Variants in FAM163B observed in about 807,000 individuals in gnomAD.
FAM163B encodes the protein family with sequence similarity 163 member B, also known as protein FAM163B.
In FAM163B, 4 loss-of-function variants were observed where a neutral mutation model predicts 7.6. The observed-to-expected ratio is 0.52, with a 90% confidence interval of 0.26 to 1.20. FAM163B has a LOEUF of 1.20. Ranked by LOEUF, FAM163B falls within the 50% of genes most tolerant of loss-of-function variation. The pLI, the probability that FAM163B is intolerant of heterozygous loss-of-function variation, is 0.14. For synonymous variants in FAM163B, 120 were observed against 111.6 expected (o/e 1.07, Z -0.47); for missense variants, 250 against 243.0 (o/e 1.03, Z -0.19).
rs1047812478 is a variant in FAM163B at position 133,586,992 on chromosome 9, G to A, written c.-23-6746C>T. ...CAGAGCCCACTCCCTAGGCCATCGG[G>A]GAAGCAGGGGGTCTGACACATCTCT... On this transcript the variant is annotated intron_variant, in intron 1 of 2. Transcript: ENST00000673969. Among the ~76,000 whole-genome samples, 324 of 152,294 alleles carry A rather than the reference G, an allele frequency of 2.1e-3. 1 individual carries two copies. Among genetic ancestry groups the A allele is most frequent in the African/African-American group, 7.3e-3 (304 of 41,560 alleles).
chr9:133,603,840 T>G (rs1247772315), intron 1 of FAM163B, among the ~76,000 whole-genome samples: 1 of 152,190 alleles, frequency 6.6e-6, no homozygotes, highest in Non-Finnish European at 1.5e-5. Flanking sequence ...TTTCTTTTCT[T>G]TTCTTTTTTT....
At chr9:133,583,367 G>C (rs1831384018) in intron 1 of FAM163B, among the ~76,000 whole-genome samples, 1 of 152,156 alleles carries the variant, frequency 6.6e-6, no homozygotes, top group Non-Finnish European at 1.5e-5. Context: ...TCAGGGACAG[G>C]TACTGGGGAG....
In FAM163B at chr9:133,578,991, T is replaced by C; in HGVS notation, c.*31A>G. 1.4e-6 allele frequency: 2 copies of C among 1,470,550 alleles called. No homozygotes were observed. The highest frequency in any genetic ancestry group is 1.8e-6 in the Non-Finnish European group (2 of 1,111,404). 91.1% of individuals were successfully genotyped at this position (1,470,550 alleles called of 1,614,324 possible). A position where few individuals can be genotyped will look rare whatever the true frequency, so the allele number is the denominator to read the frequency against. ...GAATCCCCCCATTGTCTCAGGACCT[T>C]CAAGGCCAGGATCCCGGGGGCGGGC... On this transcript the variant is annotated 3_prime_UTR_variant, in exon 3 of 3. Coordinates refer to ENST00000673969, the MANE Select transcript of FAM163B (RefSeq NM_001080515.3).
chr9:133,581,186 C>T lies in FAM163B; in HGVS notation c.-23-940G>A, dbSNP rs1016791456. ...GTCCTGGGCTGTGCTGATAAACCAG[C>T]TCTCAAAGCACCCGGCTGGGAGCAT... On this transcript the variant is annotated intron_variant, in intron 1 of 2. Transcript: ENST00000673969. Among the ~76,000 whole-genome samples, 9 of 152,314 alleles carry T rather than the reference C, an allele frequency of 5.9e-5. No homozygotes were observed. In the South Asian group the frequency reaches 1.5e-3, roughly 25 times the overall value.
chr9:133,608,949 G>C (rs906083278), intron 1 of FAM163B, among the ~76,000 whole-genome samples, 128 bp downstream of exon 1: 1 of 152,240 alleles, frequency 6.6e-6, no homozygotes, highest in African/African-American at 2.4e-5. Flanking sequence ...GCTGGGTCAG[G>C]GGACCTGGTG....
rs1374218679 is a variant in FAM163B at position 133,600,722 on chromosome 9, C to T, written c.-24+8355G>A. On this transcript the variant is annotated intron_variant, in intron 1 of 2. Coordinates refer to ENST00000673969, the MANE Select transcript of FAM163B (RefSeq NM_001080515.3). The surrounding 1 kb of genome is among the most constrained non-coding windows in gnomAD (Gnocchi z 4.9). Reference sequence around the variant, plus strand: ...GAATCTTAAAGCCACATTTTAGAGTCTTAAAAATCAGAACATGCAACCAGT... The same window carrying T: ...GAATCTTAAAGCCACATTTTAGAGTTTTAAAAATCAGAACATGCAACCAGT... 1.6e-5 allele frequency among the ~76,000 whole-genome samples: 1 copy of T among 63,112 alleles called. No homozygotes were observed. Among genetic ancestry groups the T allele is most frequent in the East Asian group, 3.1e-4 (1 of 3,234 alleles). The allele number at this position is 63,112 out of a possible 152,430, so 41.4% of individuals were successfully genotyped here.
At chr9:133,586,680 G>T (rs1323233053) in intron 1 of FAM163B, among the ~76,000 whole-genome samples, 2 of 150,176 alleles carry the variant, frequency 1.3e-5, no homozygotes, top group African/African-American at 2.5e-5. Context: ...GTGCCCAGGG[G>T]TCTCTGTGCT....
chr9:133,590,864 C>T (rs1191064577), intron 1 of FAM163B, among the ~76,000 whole-genome samples: 1 of 152,232 alleles, frequency 6.6e-6, no homozygotes, highest in African/African-American at 2.4e-5. Flanking sequence ...TCGGTCAGGA[C>T]ATGGGACACA....
chr9:133,605,389 G>C (rs1190906573), intron 1 of FAM163B, among the ~76,000 whole-genome samples: 1 of 152,198 alleles, frequency 6.6e-6, no homozygotes, highest in Non-Finnish European at 1.5e-5. Context: ...CAGTAGCCAG[G>C]GAATGTGGTG....
At chr9:133,602,836 T>A (rs1831746584) in intron 1 of FAM163B, among the ~76,000 whole-genome samples, 1 of 152,216 alleles carries the variant, frequency 6.6e-6, no homozygotes, top group African/African-American at 2.4e-5. Context: ...TAGTAAAATA[T>A]TGGACGCTTT....
intron 1 of FAM163B, among the ~76,000 whole-genome samples, chr9:133,599,600 A>ATG (rs898274939): frequency 6.8e-6 from 1 of 146,840 alleles, no homozygotes; most frequent in Non-Finnish European, 1.5e-5. Context: ...GCATGTGTGA[A>ATG]TGTGTGTGTG....
chr9:133,595,845 T>G lies in FAM163B; in HGVS notation c.-24+13232A>C, dbSNP rs562015389. On this transcript the variant is annotated intron_variant, in intron 1 of 2. Coordinates refer to ENST00000673969, the MANE Select transcript of FAM163B (RefSeq NM_001080515.3). ...CTGTCTGTTTCTTCCCTCTGGAATTTGAGTTGCTGAGGACAGGGGCTCGGT... is the reference window on the plus strand; with the variant it reads ...CTGTCTGTTTCTTCCCTCTGGAATTGGAGTTGCTGAGGACAGGGGCTCGGT... Among the ~76,000 whole-genome samples, 117 of 152,326 alleles carry G rather than the reference T, an allele frequency of 7.7e-4. 1 individual carries two copies. The highest frequency in any genetic ancestry group is 2.7e-3 in the African/African-American group (114 of 41,566).
At chr9:133,584,405 C>T (rs1037524082) in intron 1 of FAM163B, among the ~76,000 whole-genome samples, 12 of 152,280 alleles carry the variant, frequency 7.9e-5, no homozygotes, top group South Asian at 2.1e-4. Context: ...AGGGTTTAGA[C>T]GCTGATTCCT....
intron 1 of FAM163B, among the ~76,000 whole-genome samples, chr9:133,595,392 T>C (rs1831615259): frequency 6.6e-6 from 1 of 152,152 alleles, no homozygotes; most frequent in Non-Finnish European, 1.5e-5. Flanking sequence ...GTGATGATCC[T>C]CCTGCCTCGG....
intron 1 of FAM163B, among the ~76,000 whole-genome samples, chr9:133,592,562 C>A (rs3025296): frequency 0.51 from 78,133 of 151,992 alleles, 20,870 homozygotes; most frequent in South Asian, 0.7. Flanking sequence ...GGGGAGGCTG[C>A]GCCAGTGAAC....
At chr9:133,580,078 G>A in intron 2 of FAM163B, 53 bp downstream of exon 2, 1 of 1,513,456 alleles carries the variant, frequency 6.6e-7, no homozygotes. Context: ...CCCGAGGTAG[G>A]GGCACCCTCT....
chr9:133,598,873 G>C (rs1347982014), intron 1 of FAM163B, among the ~76,000 whole-genome samples: 1 of 152,134 alleles, frequency 6.6e-6, no homozygotes, highest in South Asian at 2.1e-4. Context: ...CTGTCCCCCA[G>C]GGCTCCTTTC....
rs2131259556 is a variant in FAM163B, at chr9:133,600,236, G to T, written c.-24+8841C>A. Reference sequence around the variant, plus strand: ...GTGTGTGTGGGGGGGAATGTGGTCTGTGTGCATGTGTGTGAGTGTGGTCTG... The same window carrying T: ...GTGTGTGTGGGGGGGAATGTGGTCTTTGTGCATGTGTGTGAGTGTGGTCTG... On this transcript the variant is annotated intron_variant, in intron 1 of 2. Transcript: ENST00000673969. This position sits in a 1 kb window ranked among gnomAD's most constrained non-coding sequence, Gnocchi z 4.9. Among the ~76,000 whole-genome samples, 1 of 145,858 alleles carries T rather than the reference G, an allele frequency of 6.9e-6. No individual in the cohort carries two copies. The highest frequency in any genetic ancestry group is 2.3e-4 in the South Asian group (1 of 4,422).
At chr9:133,579,874 G>C in intron 2 of FAM163B, among the ~76,000 whole-genome samples, 1 of 152,178 alleles carries the variant, frequency 6.6e-6, no homozygotes, top group Non-Finnish European at 1.5e-5. Context: ...CACTCCTTTT[G>C]GGCAGCTGGT....
Sources: allele counts gnomAD v4.1 joint callset (sites outside exome capture counted in the v4.1 genomes callset), GRCh38; gene constraint gnomAD v4.1.1; non-coding constraint Gnocchi (gnomAD v3.1); transcripts MANE v1.5; gene names NCBI Gene and HGNC (gene_info 2026-07-23, HGNC 2026-07-21).